The following H2BW2 variants were observed in gnomAD, a reference collection of about 807,000 sequenced individuals.
The protein encoded by H2BW2 is H2B.W histone 2.
H2BW2 carries 8 observed loss-of-function variants against 9.2 expected under a neutral mutation model. That is an observed-to-expected ratio of 0.87 (90% CI 0.51 to 1.57). The LOEUF (loss-of-function observed/expected upper bound fraction) is 1.57, where lower values mean the gene tolerates loss of function less well. H2BW2 is among the 40% of genes most tolerant of loss of function. The pLI is 0.00. For missense variants in H2BW2, 193 were observed against 137.3 expected (o/e 1.41, Z -2.03); for synonymous variants, 80 against 56.8 (o/e 1.41, Z -1.84).
intron 3 of H2BW2, chrX:104,041,478 T>C (rs2075204288): frequency 8.9e-6 from 1 of 112,709 alleles, no homozygotes; most frequent in Non-Finnish European, 1.9e-5. Context: ...TTTATATTCA[T>C]GTTAATATTA....
chrX:104,040,746 T>C lies in H2BW2; in HGVS notation c.411-82T>C, dbSNP rs782231783. ...TTTTCTTAGTTATCTTTCTAGGTTA[T>C]CTTTATGATGATGTTATCAATGTAC... On this transcript the variant is annotated intron_variant, in intron 1 of 3. Coordinates refer to ENST00000675318, the MANE Select transcript of H2BW2 (RefSeq NM_001388464.1). 1.5e-4 allele frequency: 81 copies of C among 548,921 alleles called. 1 individual carries two copies. Among genetic ancestry groups the C allele is most frequent in the Non-Finnish European group, 2.6e-4 (79 of 308,865 alleles). The allele number at this position is 548,921 out of a possible 1,213,427, so 45.2% of individuals were successfully genotyped here.
intron 1 of H2BW2, 126 bp downstream of exon 1, chrX:104,040,530 A>G (rs1177265219): frequency 4.6e-6 from 3 of 656,090 alleles, no homozygotes; most frequent in Non-Finnish European, 6.7e-6. Context: ...ACCCCACCGG[A>G]GGTTGGTGTG....
chrX:104,040,237 T>C lies in H2BW2; in HGVS notation c.243T>C (p.Ser81=). ...AGGAGGCCGTGAGTGTCATGGATTC[T>C]ATGATCCATGACATATTGGACCGCA... ...LSQEAVSVMD[S]MIHDILDRIA... Residue 81 remains serine (S), a synonymous_variant, in exon 1 of 4, where the codon TCT becomes TCC. Coordinates refer to ENST00000675318, the MANE Select transcript of H2BW2 (RefSeq NM_001388464.1). 2 of 1,194,821 alleles carry C rather than the reference T, an allele frequency of 1.7e-6. No individual in the cohort carries two copies. The highest frequency in any genetic ancestry group is 2.3e-6 in the Non-Finnish European group (2 of 886,958).
At position 104,042,406 on chromosome X, in the gene H2BW2, G is replaced by A. The variant is rs1390954126; in HGVS notation, c.*336G>A. The stretch of plus-strand genomic sequence containing the variant: ...AATTGTTTTGCTGTAAAATGCCAAT[G>A]TTTCTGTGAATTAAGACATACGAAT... On this transcript the variant is annotated 3_prime_UTR_variant, in exon 4 of 4. Transcript: ENST00000675318. 1 of 112,684 alleles carries A rather than the reference G, an allele frequency of 8.9e-6. No homozygotes were observed. The highest frequency in any genetic ancestry group is 3.2e-5 in the African/African-American group (1 of 31,021). The allele number at this position is 112,684 out of a possible 1,213,427, so 9.3% of individuals were successfully genotyped here. A position where few individuals can be genotyped will look rare whatever the true frequency, so the allele number is the denominator to read the frequency against.
rs1215122175 is a variant in H2BW2 at position 104,040,411 on chromosome X, C to A, written c.410+7C>A. The A allele has an allele frequency of 1.8e-6, 2 of 1,132,311 alleles. No homozygotes were observed. Among genetic ancestry groups the A allele is most frequent in the Admixed American group, 2.8e-5 (1 of 35,684 alleles). The allele number at this position is 1,132,311 out of a possible 1,213,427, so 93.3% of individuals were successfully genotyped here. ...GCACGAATGCCGCCCTCAGGTACAC[C>A]AAAAGCAAGTGAGCTGTCTCAGGAG... is the stretch of plus-strand genomic sequence containing the variant. On this transcript the variant is annotated splice_region_variant and intron_variant, in intron 1 of 3. Coordinates refer to ENST00000675318, the MANE Select transcript of H2BW2 (RefSeq NM_001388464.1).
chrX:104,041,117 G>A lies in H2BW2; in HGVS notation c.*41+11G>A, dbSNP rs1556344292. The A allele has an allele frequency of 1.2e-5, 5 of 408,546 alleles. No individual in the cohort carries two copies. In the African/African-American group the frequency reaches 1.2e-4, roughly 10 times the overall value. The allele number at this position is 408,546 out of a possible 1,213,427, so 33.7% of individuals were successfully genotyped here. On this transcript the variant is annotated intron_variant, in intron 3 of 3. Coordinates refer to ENST00000675318, the MANE Select transcript of H2BW2 (RefSeq NM_001388464.1). ...CTTCCTTACTTCCAGGTGTGTGTCA[G>A]TAGGATTACGGAGTGTCCACGGAAA...
Position 104,040,337 on chromosome X carries a change from GTGCGAC to G in H2BW2, c.347_352del (p.Arg116_Leu117del), listed in dbSNP as rs1274246327. On this transcript the variant is annotated inframe_deletion, in exon 1 of 4. Coordinates refer to ENST00000675318, the MANE Select transcript of H2BW2 (RefSeq NM_001388464.1). ...CACCTCCCGGGACATCCAGATGGCCGTGCGACTGCTGCTGCCGGGGAAGATGGGCAA... is the reference window on the plus strand; with the variant it reads ...CACCTCCCGGGACATCCAGATGGCCGTGCTGCTGCCGGGGAAGATGGGCAA... 3 of 1,189,124 alleles carry G rather than the reference GTGCGAC, an allele frequency of 2.5e-6. No homozygotes were observed. Among genetic ancestry groups the G allele is most frequent in the Non-Finnish European group, 2.3e-6 (2 of 884,919 alleles).
chrX:104,040,150 C>G lies in H2BW2; in HGVS notation c.156C>G (p.Asp52Glu). 8.4e-7 allele frequency: 1 copy of G among 1,184,462 alleles called. No homozygotes were observed. The highest frequency in any genetic ancestry group is 1.1e-6 in the Non-Finnish European group (1 of 882,147). The change falls in exon 1 of 4, where the codon GAC becomes GAG. Residue 52 changes from aspartate (D) to glutamate (E), a missense_variant. Physicochemically the swap from Asp to Glu is conservative, Grantham distance 45. Transcript: ENST00000675318. Reference protein sequence around the residue: ...HANRRGDSFGDSFTPYFPRVL... With the variant: ...HANRRGDSFGESFTPYFPRVL... ...ACCGCCGTGGGGACAGCTTCGGGGA[C>G]AGCTTCACCCCCTATTTCCCCCGGG...
chrX:104,040,812 T>C lies in H2BW2; in HGVS notation c.411-16T>C. 1 of 717,915 alleles carries C rather than the reference T, an allele frequency of 1.4e-6. No homozygotes were observed. The highest frequency in any genetic ancestry group is 2.2e-6 in the Non-Finnish European group (1 of 446,288). The allele number at this position is 717,915 out of a possible 1,213,427, so 59.2% of individuals were successfully genotyped here. A position where few individuals can be genotyped will look rare whatever the true frequency, so the allele number is the denominator to read the frequency against. ...TCACTCTCATTCTCCTACGACTGGA[T>C]GGTGGGATTTTCCAGAACTTCATTA... On this transcript the variant is annotated splice_polypyrimidine_tract_variant and intron_variant, in intron 1 of 3. Coordinates refer to ENST00000675318, the MANE Select transcript of H2BW2 (RefSeq NM_001388464.1).
Position 104,042,256 on chromosome X carries a change from T to C in H2BW2, c.*186T>C, listed in dbSNP as rs1556344803. The C allele has an allele frequency of 8.9e-6, 1 of 112,542 alleles. No individual in the cohort carries two copies. Among genetic ancestry groups the C allele is most frequent in the East Asian group, 2.8e-4 (1 of 3,603 alleles). 9.3% of individuals were successfully genotyped at this position (112,542 alleles called of 1,213,427 possible). A position where few individuals can be genotyped will look rare whatever the true frequency, so the allele number is the denominator to read the frequency against. The stretch of plus-strand genomic sequence containing the variant: ...TCTGGATGGTGCCACCAAATGTTCC[T>C]ACAAGTCCGGAACAACCCTTGCCAA... On this transcript the variant is annotated 3_prime_UTR_variant, in exon 4 of 4. Transcript: ENST00000675318.
rs1363094507 is a variant in H2BW2 at position 104,040,688 on chromosome X, G to T, written c.411-140G>T. ...AAAAGTAGGGGGTGTTTCCGTAATC[G>T]TGTTTCGTGTCCTCAGTTTCCCAAA... On this transcript the variant is annotated intron_variant, in intron 1 of 3. Transcript: ENST00000675318. 9.8e-6 allele frequency: 5 copies of T among 509,668 alleles called. No individual in the cohort carries two copies. In the East Asian group the frequency reaches 1.8e-4, roughly 18 times the overall value. The allele number at this position is 509,668 out of a possible 1,213,427, so 42.0% of individuals were successfully genotyped here.
chrX:104,039,984 C>T lies in H2BW2; in HGVS notation c.-11C>T, dbSNP rs1385988932. ...CTCTGTTCTTGCTATCTAATGGCCG[C>T]TGCTTCCGCCATGGCTGAGGCTTCC... On this transcript the variant is annotated 5_prime_UTR_variant, in exon 1 of 4. Transcript: ENST00000675318. 2 of 1,151,144 alleles carry T rather than the reference C, an allele frequency of 1.7e-6. No homozygotes were observed. Among genetic ancestry groups the T allele is most frequent in the African/African-American group, 3.6e-5 (2 of 54,964 alleles). 94.9% of individuals were successfully genotyped at this position (1,151,144 alleles called of 1,213,427 possible).
Position 104,040,872 on chromosome X carries a change from G to A in H2BW2, c.*8G>A. ...TGGCAACAGAGAAAGTGAATATGCT[G>A]ATACAAGAAGCAAGGTAACCCTCCT... On this transcript the variant is annotated 3_prime_UTR_variant, in exon 2 of 4. Transcript: ENST00000675318. The A allele has an allele frequency of 8.7e-7, 1 of 1,150,147 alleles. No homozygotes were observed. Among genetic ancestry groups the A allele is most frequent in the Non-Finnish European group, 1.2e-6 (1 of 840,414 alleles). 94.8% of individuals were successfully genotyped at this position (1,150,147 alleles called of 1,213,427 possible).
chrX:104,040,767 T>C, intron 1 of H2BW2, 61 bp from the exon 2 acceptor site: 1 of 575,936 alleles, frequency 1.7e-6, no homozygotes, highest in Admixed American at 2.4e-5. Context: ...ATGTTATCAA[T>C]GTACTGATGT....
Position 104,040,344 on chromosome X carries a change from T to A in H2BW2, c.350T>A (p.Leu117Gln). Residue 117 changes from leucine to glutamine, a missense_variant, in exon 1 of 4, where the codon CTG (leucine) becomes CAG (glutamine). Physicochemically the swap from Leu to Gln is moderately radical, Grantham distance 113 (BLOSUM62 -2). Transcript: ENST00000675318. Reference protein sequence around the residue: ...TSRDIQMAVRLLLPGKMGKLA... With the variant: ...TSRDIQMAVRQLLPGKMGKLA... Reference sequence around the variant, plus strand: ...CGGGACATCCAGATGGCCGTGCGACTGCTGCTGCCGGGGAAGATGGGCAAG... The same window carrying A: ...CGGGACATCCAGATGGCCGTGCGACAGCTGCTGCCGGGGAAGATGGGCAAG... 8.4e-7 allele frequency: 1 copy of A among 1,188,339 alleles called. No homozygotes were observed. Among genetic ancestry groups the A allele is most frequent in the Non-Finnish European group, 1.1e-6 (1 of 883,810 alleles).
chrX:104,040,924 T>A, intron 2 of H2BW2, 38 bp downstream of exon 2: 1 of 1,179,299 alleles, frequency 8.5e-7, no homozygotes, highest in Non-Finnish European at 1.1e-6. Context: ...TCTCTCATCA[T>A]GAATCCATGT....
At chrX:104,040,943 A>T in intron 2 of H2BW2, 57 bp downstream of exon 2, 1 of 1,143,470 alleles carries the variant, frequency 8.7e-7, no homozygotes, top group Admixed American at 2.4e-5. Context: ...GTAAATAAGC[A>T]AACGAGGCCC....
chrX:104,040,089 G>C lies in H2BW2; in HGVS notation c.95G>C (p.Arg32Thr). 8.6e-7 allele frequency: 1 copy of C among 1,166,787 alleles called. No homozygotes were observed. The highest frequency in any genetic ancestry group is 1.1e-6 in the Non-Finnish European group (1 of 872,708). ...ANSTKAQKQK[R>T]RGCRGSRRRH... ...TCCACGAAGGCCCAGAAGCAGAAGA[G>C]GCGAGGGTGCCGAGGCTCCCGCAGG... The change falls in exon 1 of 4, where the codon AGG (arginine) becomes ACG (threonine). Residue 32 changes from arginine to threonine, a missense_variant. By Grantham distance (71) the Arg-to-Thr change is moderately conservative. Transcript: ENST00000675318.
Position 104,040,394 on chromosome X carries a change from G to T in H2BW2, c.400G>T (p.Ala134Ser). 2 of 1,151,514 alleles carry T rather than the reference G, an allele frequency of 1.7e-6. No individual in the cohort carries two copies. Among genetic ancestry groups the T allele is most frequent in the Non-Finnish European group, 2.3e-6 (2 of 865,084 alleles). The allele number at this position is 1,151,514 out of a possible 1,213,427, so 94.9% of individuals were successfully genotyped here. A position where few individuals can be genotyped will look rare whatever the true frequency, so the allele number is the denominator to read the frequency against. Residue 134 changes from alanine to serine, a missense_variant, in exon 1 of 4, where the codon GCC becomes TCC. Physicochemically the swap from Ala to Ser is moderately conservative, Grantham distance 99 (BLOSUM62 1). Coordinates refer to ENST00000675318, the MANE Select transcript of H2BW2 (RefSeq NM_001388464.1). ...GKLAEAQGTN[A>S]ALRTSLCAIW... ...GCTCGCCGAGGCCCAGGGCACGAAT[G>T]CCGCCCTCAGGTACACCAAAAGCAA...
Sources: gnomAD v4.1 joint callset for allele counts on GRCh38, gnomAD v4.1.1 for gene constraint, MANE v1.5 for transcripts, NCBI Gene and HGNC (gene_info 2026-07-23, HGNC 2026-07-21) for gene names.